APLF: variants seen among roughly 807,000 people sequenced by gnomAD.
APLF encodes the protein aprataxin and PNKP like factor.
APLF carries 61 observed loss-of-function variants against 55.6 expected under a neutral mutation model. The ratio of observed to expected loss-of-function variants is 1.10; its 90% CI spans 0.89 to 1.36. APLF has a LOEUF of 1.36. Ranked by LOEUF, APLF falls within the 40% of genes most tolerant of loss-of-function variation. The pLI is 0.00. For missense variants in APLF, 611 were observed against 602.5 expected (o/e 1.01, Z -0.15); for synonymous variants, 207 against 214.8 (o/e 0.96, Z 0.32).
intron 7 of APLF, among the ~76,000 whole-genome samples, chr2:68,543,747 A>G (rs1436813294): frequency 6.6e-6 from 1 of 152,160 alleles, no homozygotes; most frequent in Non-Finnish European, 1.5e-5. Context: ...GGATGATGCT[A>G]TTACTACATG....
chr2:68,576,110 T>C (rs1231549580), intron 9 of APLF, among the ~76,000 whole-genome samples: 1 of 152,126 alleles, frequency 6.6e-6, no homozygotes, highest in Non-Finnish European at 1.5e-5. Flanking sequence ...TGGTAAGTGA[T>C]TTCTGAATCT....
At chr2:68,518,556 T>C (rs1449639078) in intron 5 of APLF, among the ~76,000 whole-genome samples, 1 of 120,256 alleles carries the variant, frequency 8.3e-6, no homozygotes, top group Admixed American at 9.7e-5. Context: ...ATATCAATAA[T>C]GTATCATGAA....
intron 1 of APLF, among the ~76,000 whole-genome samples, chr2:68,483,731 A>G (rs964504904): frequency 1.3e-5 from 2 of 152,126 alleles, no homozygotes; most frequent in Non-Finnish European, 2.9e-5. Flanking sequence ...TTGTACTATA[A>G]TATCCTGTGT....
rs750859546 is a variant in APLF, at chr2:68,513,716, G to C, written c.622+36G>C. On this transcript the variant is annotated intron_variant, in intron 5 of 9. Coordinates refer to ENST00000303795, the MANE Select transcript of APLF (RefSeq NM_173545.3). The stretch of plus-strand genomic sequence containing the variant: ...GTTTCTACTAATGCTGACTTTAAAG[G>C]AAACATTAAACAGAATTTGAAAGCT... 1.1e-5 allele frequency: 17 copies of C among 1,600,652 alleles called. No individual in the cohort carries two copies. In the Admixed American group the frequency reaches 2.4e-4, roughly 23 times the overall value.
chr2:68,469,436 G>C (rs1675549307), intron 1 of APLF, among the ~76,000 whole-genome samples: 1 of 152,174 alleles, frequency 6.6e-6, no homozygotes, highest in Admixed American at 6.5e-5. Context: ...TTGCTAATGT[G>C]AGATGAGCCT....
intron 6 of APLF, among the ~76,000 whole-genome samples, chr2:68,527,901 G>A (rs1670121298): frequency 7.1e-6 from 1 of 141,674 alleles, no homozygotes; most frequent in Non-Finnish European, 1.5e-5. Flanking sequence ...CAGACAGGGT[G>A]GCGGCCTTTC....
rs201644730 is a variant in APLF, at chr2:68,568,094, GA to G, written c.1333+708del. On this transcript the variant is annotated intron_variant, in intron 9 of 9. Coordinates refer to ENST00000303795, the MANE Select transcript of APLF (RefSeq NM_173545.3). ...AGAGCTTTGAGGAAGAGAGGAGGGG[GA>G]GAGACACCAGAGAAGCAACCATCAA... The G allele has an allele frequency of 4.8e-3, 769 of 161,298 alleles. 2 individuals are homozygous for G. The highest frequency in any genetic ancestry group is 8.1e-3 in the Admixed American group (124 of 15,264). 10.0% of individuals were successfully genotyped at this position (161,298 alleles called of 1,614,324 possible). A position where few individuals can be genotyped will look rare whatever the true frequency, so the allele number is the denominator to read the frequency against.
intron 9 of APLF, among the ~76,000 whole-genome samples, chr2:68,575,907 G>A (rs1046344688): frequency 2.6e-5 from 4 of 152,116 alleles, no homozygotes; most frequent in Non-Finnish European, 4.4e-5. Context: ...CTTAAGATGT[G>A]AATTTGGGAA....
chr2:68,530,815 C>T (rs1285698821), intron 6 of APLF, among the ~76,000 whole-genome samples: 2 of 151,996 alleles, frequency 1.3e-5, no homozygotes, highest in Non-Finnish European at 2.9e-5. Context: ...GGCCACTCTA[C>T]ATCTTGTTAT....
At chr2:68,471,317 C>A (rs1415534787) in intron 1 of APLF, among the ~76,000 whole-genome samples, 1 of 152,090 alleles carries the variant, frequency 6.6e-6, no homozygotes, top group Non-Finnish European at 1.5e-5. Flanking sequence ...AACATTTTTC[C>A]TGTTTTGTTG....
intron 7 of APLF, among the ~76,000 whole-genome samples, chr2:68,538,738 A>G (rs1333918030): frequency 6.6e-6 from 1 of 152,148 alleles, no homozygotes; most frequent in African/African-American, 2.4e-5. Context: ...ACTGCCCTAT[A>G]TACTCTAATT....
intron 2 of APLF, among the ~76,000 whole-genome samples, chr2:68,497,856 C>T (rs896154850): frequency 6.6e-6 from 1 of 151,996 alleles, no homozygotes; most frequent in African/African-American, 2.4e-5. Flanking sequence ...TGACAGATGC[C>T]TTTAATCAAT....
chr2:68,560,076 G>T (rs781511225), intron 8 of APLF, among the ~76,000 whole-genome samples: 1 of 152,046 alleles, frequency 6.6e-6, no homozygotes, highest in Non-Finnish European at 1.5e-5. Flanking sequence ...TCTTCCTTCA[G>T]ATATGTGTGT....
At chr2:68,547,334 C>A (rs1034619965) in intron 8 of APLF, among the ~76,000 whole-genome samples, 1 of 151,712 alleles carries the variant, frequency 6.6e-6, no homozygotes, top group African/African-American at 2.4e-5. Flanking sequence ...TGTATACAAA[C>A]TGATTCAAAA....
At chr2:68,545,433 G>A in intron 8 of APLF, 121 bp downstream of exon 8, 2 of 1,254,908 alleles carry the variant, frequency 1.6e-6, no homozygotes, top group Non-Finnish European at 2.1e-6. Flanking sequence ...AACTTCTGTA[G>A]ATTACAGGTT....
intron 8 of APLF, among the ~76,000 whole-genome samples, chr2:68,556,119 G>A (rs1671001340): frequency 6.6e-6 from 1 of 152,196 alleles, no homozygotes; most frequent in South Asian, 2.1e-4. Context: ...AACATGGTAT[G>A]TTCTCACTCA....
chr2:68,527,096 C>T (rs902170399), intron 6 of APLF, among the ~76,000 whole-genome samples: 2 of 145,578 alleles, frequency 1.4e-5, no homozygotes, highest in African/African-American at 2.5e-5. Context: ...CCAGACGGTG[C>T]AGGGGCTGGG....
intron 7 of APLF, among the ~76,000 whole-genome samples, chr2:68,543,981 C>CTT (rs71395974): frequency 1.0e-4 from 13 of 128,952 alleles, no homozygotes; most frequent in East Asian, 2.2e-4. Flanking sequence ...ATTGTATTTT[C>CTT]TTTTTTTTTT....
chr2:68,494,575 T>C (rs957263410), intron 2 of APLF, among the ~76,000 whole-genome samples: 9 of 152,100 alleles, frequency 5.9e-5, no homozygotes, highest in Middle Eastern at 3.2e-3. Flanking sequence ...CATGGTGGTT[T>C]ACTGCACAGA....
Sources: gnomAD v4.1 joint callset for allele counts (sites outside exome capture counted in the v4.1 genomes callset) on GRCh38, gnomAD v4.1.1 for gene constraint, MANE v1.5 for transcripts, NCBI Gene and HGNC (gene_info 2026-07-23, HGNC 2026-07-21) for gene names.